SLCO3A1: variants seen among roughly 807,000 people sequenced by gnomAD.
SLCO3A1 encodes the protein solute carrier organic anion transporter family member 3A1.
In SLCO3A1, 27 loss-of-function variants were observed where a neutral mutation model predicts 63.1. That is an observed-to-expected ratio of 0.43 (90% CI 0.32 to 0.59). SLCO3A1 has a LOEUF of 0.59. SLCO3A1 is among the 20% of genes least tolerant of loss of function. The pLI is 0.09. For missense variants in SLCO3A1, 773 were observed against 945.8 expected (o/e 0.82, Z 2.40); for synonymous variants, 473 against 409.9 (o/e 1.15, Z -1.86).
intron 7 of SLCO3A1, among the ~76,000 whole-genome samples, chr15:92,145,796 G>A (rs2048213924): frequency 6.6e-6 from 1 of 152,180 alleles, no homozygotes; most frequent in Admixed American, 6.5e-5. Flanking sequence ...GACACTGAGG[G>A]GAAGGGTGGA....
chr15:92,046,802 T>A (rs2046869499), intron 2 of SLCO3A1, among the ~76,000 whole-genome samples: 1 of 150,224 alleles, frequency 6.7e-6, no homozygotes, highest in Non-Finnish European at 1.5e-5. Context: ...AATCTCAATT[T>A]TTCGTTGTCT....
rs1333076426 is a variant in SLCO3A1, at chr15:91,875,436, G to A, written c.180+21348G>A. On this transcript the variant is annotated intron_variant, in intron 1 of 9. Transcript: ENST00000318445. The surrounding 1 kb of genome is among the most constrained non-coding windows in gnomAD (Gnocchi z 4.5). ...GTAAAAACTGGACTCTGGAGCAAGA[G>A]ACTGCCTGGATTCCAATCCCAGCTC... is the stretch of plus-strand genomic sequence containing the variant. 6.6e-6 allele frequency among the ~76,000 whole-genome samples: 1 copy of A among 152,158 alleles called. No homozygotes were observed. Among genetic ancestry groups the A allele is most frequent in the Non-Finnish European group, 1.5e-5 (1 of 68,024 alleles).
chr15:91,889,205 T>C (rs748390281), intron 1 of SLCO3A1: 4 of 1,275,188 alleles, frequency 3.1e-6, no homozygotes, highest in Middle Eastern at 2.1e-4. Context: ...CTTAGATGAA[T>C]GTAAGTTCTA....
chr15:91,929,838 G>A lies in SLCO3A1; in HGVS notation c.646+13380G>A, dbSNP rs552120603. 5.3e-5 allele frequency among the ~76,000 whole-genome samples: 8 copies of A among 152,134 alleles called. No individual in the cohort carries two copies. The South Asian group carries it at 1.7e-3, about 32-fold the overall frequency. ...TTTCACGTAGCAGGTTGCTCTCAAG[G>A]TTCATCCATGTTGCAGCATTGGGTC... On this transcript the variant is annotated intron_variant, in intron 2 of 9. Transcript: ENST00000318445.
rs147400995 is a variant in SLCO3A1 at position 92,172,158 on chromosome 15, T to C, written c.*296T>C. On this transcript the variant is annotated 3_prime_UTR_variant, in exon 11 of 11. Transcript: ENST00000424469. ...CTTCCACCCATCCCTCTACCTCCTC[T>C]GGGGATGGCTTGCCGACATGCTTTA... 746 of 284,394 alleles carry C rather than the reference T, an allele frequency of 2.6e-3. 4 individuals are homozygous for C. Among genetic ancestry groups the C allele is most frequent in the African/African-American group, 0.015 (694 of 46,278 alleles). The allele number at this position is 284,394 out of a possible 1,614,324, so 17.6% of individuals were successfully genotyped here.
chr15:92,016,484 T>C (rs894338785), intron 2 of SLCO3A1, among the ~76,000 whole-genome samples: 31 of 152,282 alleles, frequency 2.0e-4, no homozygotes, highest in South Asian at 4.1e-4. Context: ...AAGGAAGGAA[T>C]GTCGTCCTGA....
intron 2 of SLCO3A1, among the ~76,000 whole-genome samples, chr15:91,992,462 C>T (rs911986109): frequency 4.6e-5 from 7 of 152,176 alleles, no homozygotes; most frequent in African/African-American, 7.2e-5. Flanking sequence ...TTGTGTGTTT[C>T]CTTACTACTG....
chr15:92,028,908 AGTGTGTGTGT>A (rs61238614), intron 2 of SLCO3A1, among the ~76,000 whole-genome samples: 1 of 120,072 alleles, frequency 8.3e-6, no homozygotes, highest in African/African-American at 3.4e-5. Flanking sequence ...TGCAGGCACA[AGTGTGTGTGT>A]GTGTGTGTGT....
chr15:91,920,555 G>A (rs1898809542), intron 2 of SLCO3A1, among the ~76,000 whole-genome samples: 1 of 152,196 alleles, frequency 6.6e-6, no homozygotes, highest in Admixed American at 6.5e-5. Flanking sequence ...AGTGCTTTGA[G>A]CTGAGATGGC....
chr15:92,156,201 C>G (rs1255356785), intron 9 of SLCO3A1, among the ~76,000 whole-genome samples: 1 of 152,198 alleles, frequency 6.6e-6, no homozygotes, highest in Non-Finnish European at 1.5e-5. Context: ...AAGAAGCAAG[C>G]ACAGCATGCC....
intron 2 of SLCO3A1, among the ~76,000 whole-genome samples, chr15:92,016,835 G>T (rs926494534): frequency 2.0e-5 from 3 of 152,176 alleles, no homozygotes; most frequent in African/African-American, 7.2e-5. Context: ...CGGGCCTGTG[G>T]ATTTGAGGTG....
intron 2 of SLCO3A1, among the ~76,000 whole-genome samples, chr15:92,076,575 G>A (rs1196615646): frequency 6.6e-6 from 1 of 152,130 alleles, no homozygotes; most frequent in African/African-American, 2.4e-5. Flanking sequence ...GGGACCTGCC[G>A]CTAGCCCACC....
chr15:92,096,039 A>AT (rs1475024288), intron 3 of SLCO3A1, among the ~76,000 whole-genome samples: 1 of 152,082 alleles, frequency 6.6e-6, no homozygotes, highest in Non-Finnish European at 1.5e-5. Flanking sequence ...TGTTTTTCGT[A>AT]TTTTTTTCTG....
intron 2 of SLCO3A1, among the ~76,000 whole-genome samples, chr15:91,932,798 T>C (rs1899281458): frequency 6.6e-6 from 1 of 152,244 alleles, no homozygotes; most frequent in Non-Finnish European, 1.5e-5. Context: ...CCCATTCTCA[T>C]GGTCGTTAGA....
intron 1 of SLCO3A1, among the ~76,000 whole-genome samples, chr15:91,902,387 G>A (rs944282247): frequency 1.3e-5 from 2 of 151,924 alleles, no homozygotes; most frequent in East Asian, 2.0e-4. Flanking sequence ...AATGGGGAGC[G>A]CTTAAGGATC....
intron 2 of SLCO3A1, among the ~76,000 whole-genome samples, chr15:91,986,323 G>A (rs2046052556): frequency 1.3e-5 from 2 of 152,176 alleles, no homozygotes; most frequent in Admixed American, 1.3e-4. Flanking sequence ...GGATTCCGGG[G>A]AGATAAGATT....
chr15:92,166,408 C>A (rs913707656), downstream of SLCO3A1, among the ~76,000 whole-genome samples: 2 of 152,176 alleles, frequency 1.3e-5, no homozygotes, highest in Non-Finnish European at 2.9e-5. Flanking sequence ...GGGAGCGTGC[C>A]CCTCCATAAA....
chr15:92,165,847 A>G lies in SLCO3A1; in HGVS notation c.*2712A>G. 1.0e-6 allele frequency: 1 copy of G among 985,312 alleles called. No homozygotes were observed. Among genetic ancestry groups the G allele is most frequent in the South Asian group, 4.7e-5 (1 of 21,286 alleles). 61.0% of individuals were successfully genotyped at this position (985,312 alleles called of 1,614,324 possible). A position where few individuals can be genotyped will look rare whatever the true frequency, so the allele number is the denominator to read the frequency against. On this transcript the variant is annotated 3_prime_UTR_variant, in exon 10 of 10. Transcript: ENST00000318445. ...GTGAATGAAAAGATTTCCTGGTAAG[A>G]TCATTGGATTTACAGAATACAAAAA...
chr15:92,064,405 G>T (rs1220581435), intron 2 of SLCO3A1, among the ~76,000 whole-genome samples: 1 of 149,858 alleles, frequency 6.7e-6, no homozygotes, highest in Non-Finnish European at 1.5e-5. Flanking sequence ...TCTTCACTTT[G>T]TTAGTTGTTT....
Sources: gnomAD v4.1 joint callset for allele counts (sites outside exome capture counted in the v4.1 genomes callset) on GRCh38, gnomAD v4.1.1 for gene constraint, Gnocchi (gnomAD v3.1) non-coding constraint, MANE v1.5 for transcripts, NCBI Gene and HGNC (gene_info 2026-07-23, HGNC 2026-07-21) for gene names.